GATAD2B: variants seen among roughly 807,000 people sequenced by gnomAD.
GATAD2B encodes transcriptional repressor p66-beta.
In GATAD2B, 8 loss-of-function variants were observed where a neutral mutation model predicts 64.3. The ratio of observed to expected loss-of-function variants is 0.12; its 90% CI spans 0.07 to 0.22. GATAD2B has a LOEUF of 0.22. Among genes scored for constraint, GATAD2B ranks in the 10% least tolerant of loss-of-function variants. The pLI, the probability that GATAD2B is intolerant of heterozygous loss-of-function variation, is 1.00. For missense variants in GATAD2B, 453 were observed against 752.0 expected (o/e 0.60, Z 4.65); for synonymous variants, 281 against 271.3 (o/e 1.04, Z -0.35).
intron 1 of GATAD2B, among the ~76,000 whole-genome samples, chr1:153,861,795 A>ATATAT (rs1553194158): frequency 7.1e-5 from 7 of 98,534 alleles, no homozygotes; most frequent in East Asian, 6.0e-4. Context: ...AAAAAAAAAA[A>ATATAT]ATATATATAT....
intron 1 of GATAD2B, among the ~76,000 whole-genome samples, chr1:153,846,775 G>T (rs564206582): frequency 1.3e-5 from 2 of 151,842 alleles, no homozygotes; most frequent in Non-Finnish European, 2.9e-5. Flanking sequence ...TGGCCAGGCT[G>T]GTCTCGAACT....
At chr1:153,872,591 A>T (rs764257797) in intron 1 of GATAD2B, among the ~76,000 whole-genome samples, 5 of 151,606 alleles carry the variant, frequency 3.3e-5, no homozygotes, top group Admixed American at 6.6e-5. Context: ...TGGGAAGTGG[A>T]CCGTCTCATG....
chr1:153,914,359 C>A (rs1678203152), intron 1 of GATAD2B, among the ~76,000 whole-genome samples: 2 of 150,832 alleles, frequency 1.3e-5, no homozygotes, highest in Non-Finnish European at 1.5e-5. Context: ...ATTTGACTGA[C>A]AAAGAAACCT....
chr1:153,871,509 G>C (rs1410610004), intron 1 of GATAD2B, among the ~76,000 whole-genome samples: 1 of 151,964 alleles, frequency 6.6e-6, no homozygotes, highest in African/African-American at 2.4e-5. Context: ...GCCAGAGAAA[G>C]AGGCATTTTT....
intron 4 of GATAD2B, 39 bp from the exon 5 acceptor site, chr1:153,818,210 T>C (rs1361937586): frequency 1.3e-6 from 2 of 1,541,998 alleles, no homozygotes; most frequent in South Asian, 2.4e-5. Context: ...TGGCCAATAA[T>C]CACAGGTGGA....
intron 1 of GATAD2B, among the ~76,000 whole-genome samples, chr1:153,844,960 C>A (rs1675631848): frequency 6.6e-6 from 1 of 150,570 alleles, no homozygotes; most frequent in Non-Finnish European, 1.5e-5. Context: ...GAAAACATGA[C>A]CCCTAATGAG....
intron 1 of GATAD2B, among the ~76,000 whole-genome samples, chr1:153,871,138 C>T (rs1676653826): frequency 6.6e-6 from 1 of 152,220 alleles, no homozygotes; most frequent in African/African-American, 2.4e-5. Context: ...GCGATCTCGG[C>T]TCACCACAAC....
At chr1:153,892,053 T>A (rs1677425647) in intron 1 of GATAD2B, among the ~76,000 whole-genome samples, 1 of 149,850 alleles carries the variant, frequency 6.7e-6, no homozygotes, top group East Asian at 2.0e-4. Flanking sequence ...TAGTCCCAGC[T>A]ACTCGGGAGG....
intron 2 of GATAD2B, 137 bp downstream of exon 2, chr1:153,827,876 T>TA (rs1674936804): frequency 1.5e-6 from 1 of 674,236 alleles, no homozygotes. Flanking sequence ...AAAATGAATT[T>TA]ATGGTCAAAC....
intron 1 of GATAD2B, among the ~76,000 whole-genome samples, chr1:153,878,860 C>T (rs1676918299): frequency 1.3e-5 from 2 of 150,198 alleles, no homozygotes; most frequent in Admixed American, 1.3e-4. Flanking sequence ...TCACTGCAAC[C>T]TCCACCTCCC....
intron 1 of GATAD2B, among the ~76,000 whole-genome samples, chr1:153,835,694 G>A (rs1270751686): frequency 1.3e-5 from 2 of 152,050 alleles, no homozygotes; most frequent in Non-Finnish European, 2.9e-5. Flanking sequence ...ATAGACTACA[G>A]CATAATGTAA....
intron 1 of GATAD2B, among the ~76,000 whole-genome samples, chr1:153,865,613 A>C (rs1426519998): frequency 6.6e-6 from 1 of 152,220 alleles, no homozygotes; most frequent in Non-Finnish European, 1.5e-5. Flanking sequence ...TACATAAGTA[A>C]AGACTTTTAA....
In GATAD2B at chr1:153,819,662, G is replaced by A. The variant is rs1425237110; in HGVS notation, c.409C>T (p.Arg137Cys). 1.2e-6 allele frequency: 2 copies of A among 1,610,860 alleles called. No individual in the cohort carries two copies. The highest frequency in any genetic ancestry group is 8.5e-7 in the Non-Finnish European group (1 of 1,177,800). The change falls in exon 3 of 11, where the codon CGT (arginine) becomes TGT (cysteine). Residue 137 changes from arginine to cysteine, a missense_variant. By Grantham distance (180) the Arg-to-Cys change is radical. Coordinates refer to ENST00000368655, the MANE Select transcript of GATAD2B (RefSeq NM_020699.4). The stretch of plus-strand genomic sequence containing the variant: ...CTTTCTTCCATTCTGGAACTGGAAC[G>A]GGGACTGGAAGCCTCATTGTCAGAC... ...VLSDNEASSP[R>C]SSSRMEERLK... is the part of the protein sequence containing the mutation.
chr1:153,891,213 A>G (rs1677387165), intron 1 of GATAD2B, among the ~76,000 whole-genome samples: 1 of 151,114 alleles, frequency 6.6e-6, no homozygotes. Context: ...AGGAAAAGAA[A>G]GGAAAGGAAA....
chr1:153,854,261 G>A (rs1389905329), intron 1 of GATAD2B, among the ~76,000 whole-genome samples: 1 of 152,056 alleles, frequency 6.6e-6, no homozygotes, highest in East Asian at 1.9e-4. Flanking sequence ...AAATTAGCTG[G>A]GCTTGGTGGT....
In GATAD2B at chr1:153,902,290, GAAAAAAAGAAA is replaced by G. The variant is rs1181779248; in HGVS notation, c.-2+20432_-2+20442del. Reference sequence around the variant, plus strand: ...GAGCGAAACTCCATCTCAAAAAAAAGAAAAAAAGAAAAAAAAAAGAATTTTCAGGATTTGGT... The same window carrying G: ...GAGCGAAACTCCATCTCAAAAAAAAGAAAAAAAGAATTTTCAGGATTTGGT... On this transcript the variant is annotated intron_variant, in intron 1 of 10. Coordinates refer to ENST00000368655, the MANE Select transcript of GATAD2B (RefSeq NM_020699.4). Among the ~76,000 whole-genome samples the G allele has an allele frequency of 9.4e-5, 14 of 148,502 alleles. No homozygotes were observed. The East Asian group carries it at 2.4e-3, about 25-fold the overall frequency.
At chr1:153,829,723 G>A (rs1440617688) in intron 1 of GATAD2B, among the ~76,000 whole-genome samples, 1 of 152,154 alleles carries the variant, frequency 6.6e-6, no homozygotes, top group Non-Finnish European at 1.5e-5. Context: ...GCGACAGAGT[G>A]AGACTCCATC....
chr1:153,886,034 A>G (rs1376914906), intron 1 of GATAD2B, among the ~76,000 whole-genome samples: 1 of 152,214 alleles, frequency 6.6e-6, no homozygotes, highest in Non-Finnish European at 1.5e-5. Flanking sequence ...CTGAATGCTT[A>G]AAGGTACTCC....
chr1:153,826,722 T>C (rs1277379947), intron 2 of GATAD2B, among the ~76,000 whole-genome samples: 2 of 151,930 alleles, frequency 1.3e-5, no homozygotes, highest in African/African-American at 4.8e-5. Flanking sequence ...GGAAGATCAC[T>C]TGAGGCTGAG....
Sources: allele counts gnomAD v4.1 joint callset (sites outside exome capture counted in the v4.1 genomes callset), GRCh38; gene constraint gnomAD v4.1.1; transcripts MANE v1.5; gene names NCBI Gene and HGNC (gene_info 2026-07-23, HGNC 2026-07-21).